Variants in KCNQ1 observed in about 807,000 individuals in gnomAD.
The protein encoded by KCNQ1 is potassium voltage-gated channel subfamily KQT member 1.
A neutral mutation model predicts 72.4 loss-of-function variants in KCNQ1; 49 were observed. The ratio of observed to expected loss-of-function variants is 0.68; its 90% CI spans 0.54 to 0.86. The LOEUF (loss-of-function observed/expected upper bound fraction) is 0.86, where lower values mean the gene tolerates loss of function less well. Among genes scored for constraint, KCNQ1 ranks in the 40% least tolerant of loss-of-function variants. The probability of loss-of-function intolerance (pLI) is 0.00; values close to 1 mark genes in which losing one functional copy is unlikely to be tolerated. For synonymous variants in KCNQ1, 450 were observed against 412.6 expected, an observed-to-expected ratio of 1.09 and a Z score of -1.10; for missense variants, 790 against 945.1, an observed-to-expected ratio of 0.84 and a Z score of 2.15.
At position 2,445,311 on chromosome 11, in the gene KCNQ1, C is replaced by G; in HGVS notation, c.213C>G (p.Ala71=). Residue 71 remains alanine (A), a synonymous_variant, in exon 1 of 16, where the codon GCC becomes GCG. Transcript: ENST00000155840. ...PAPPASPAAP[A]APPVASDLGP... ...CCCCTGCGTCCCCGGCCGCGCCCGC[C>G]GCGCCCCCAGTTGCCTCCGACCTTG... The G allele has an allele frequency of 6.8e-7, 1 of 1,469,128 alleles. No individual in the cohort carries two copies. Among genetic ancestry groups the G allele is most frequent in the Non-Finnish European group, 9.0e-7 (1 of 1,115,644 alleles). The allele number at this position is 1,469,128 out of a possible 1,614,324, so 91.0% of individuals were successfully genotyped here. A position where few individuals can be genotyped will look rare whatever the true frequency, so the allele number is the denominator to read the frequency against.
At chr11:2,545,082 A>G (rs1847886875) in intron 2 of KCNQ1, among the ~76,000 whole-genome samples, 1 of 152,214 alleles carries the variant, frequency 6.6e-6, no homozygotes, top group African/African-American at 2.4e-5. Flanking sequence ...GTCTCTTAAT[A>G]TGATAATTAC....
intron 1 of KCNQ1, among the ~76,000 whole-genome samples, chr11:2,504,418 C>A (rs1328525483): frequency 6.6e-6 from 1 of 151,978 alleles, no homozygotes; most frequent in Non-Finnish European, 1.5e-5. Flanking sequence ...TTTGATAGCA[C>A]AACAGGGTGA....
At chr11:2,738,573 G>A (rs1380056002) in intron 11 of KCNQ1, among the ~76,000 whole-genome samples, 2 of 152,200 alleles carry the variant, frequency 1.3e-5, no homozygotes, top group African/African-American at 4.8e-5. Context: ...CTTGGAGGCT[G>A]GAGGAGGCCA....
Position 2,544,204 on chromosome 11 carries a change from G to A in KCNQ1, c.477+16186G>A, listed in dbSNP as rs1196385620. 6.6e-6 allele frequency among the ~76,000 whole-genome samples: 1 copy of A among 151,266 alleles called. No individual in the cohort carries two copies. The highest frequency in any genetic ancestry group is 1.5e-5 in the Non-Finnish European group (1 of 67,932). On this transcript the variant is annotated intron_variant, in intron 2 of 15. Coordinates refer to ENST00000155840, the MANE Select transcript of KCNQ1 (RefSeq NM_000218.3). This position sits in a 1 kb window ranked among gnomAD's most constrained non-coding sequence, Gnocchi z 4.4. ...TGTCTTAACCAATATTGAATCCTCT[G>A]ATCAATGAGATTATCTATCTCATAT...
rs1205677200 is a variant in KCNQ1, at chr11:2,515,894, G to C, written c.387-12034G>C. ...GGAGAAGCTCATGCCTTTCCTGCTT[G>C]CACCCCAGAGCCTGGCCACCCCTGT... On this transcript the variant is annotated intron_variant, in intron 1 of 15. Transcript: ENST00000155840. The surrounding 1 kb of genome is among the most constrained non-coding windows in gnomAD (Gnocchi z 4.7). 1.3e-5 allele frequency among the ~76,000 whole-genome samples: 2 copies of C among 151,830 alleles called. No homozygotes were observed. Among genetic ancestry groups the C allele is most frequent in the African/African-American group, 4.8e-5 (2 of 41,328 alleles).
In KCNQ1 at chr11:2,617,141, T is replaced by C. The variant is rs1382602812; in HGVS notation, c.1393+28287T>C. 2.5e-6 allele frequency: 1 copy of C among 398,274 alleles called. No homozygotes were observed. The highest frequency in any genetic ancestry group is 4.4e-6 in the Non-Finnish European group (1 of 225,932). 24.7% of individuals were successfully genotyped at this position (398,274 alleles called of 1,614,324 possible). On this transcript the variant is annotated intron_variant, in intron 10 of 15. Coordinates refer to ENST00000155840, the MANE Select transcript of KCNQ1 (RefSeq NM_000218.3). The surrounding 1 kb of genome is among the most constrained non-coding windows in gnomAD (Gnocchi z 4.6). ...AAAATTCCAAATGCAATATACTAAC[T>C]ATTCTCATGTTCTACATGAGATCTC...
chr11:2,800,615 G>A (rs970843479), intron 15 of KCNQ1, among the ~76,000 whole-genome samples: 10 of 152,202 alleles, frequency 6.6e-5, no homozygotes, highest in East Asian at 1.9e-4. Flanking sequence ...AGCTGTGGCC[G>A]TGAAGGTTCC....
At chr11:2,774,924 C>T (rs985891171) in intron 12 of KCNQ1, among the ~76,000 whole-genome samples, 3 of 152,190 alleles carry the variant, frequency 2.0e-5, no homozygotes, top group Admixed American at 6.5e-5. Flanking sequence ...CTTGGGCTGG[C>T]CCTGCCCCAC....
chr11:2,614,978 TG>T (rs1849037930), intron 10 of KCNQ1: 1 of 398,354 alleles, frequency 2.5e-6, no homozygotes, highest in Admixed American at 4.4e-5. Context: ...TGTAGATCAC[TG>T]GGTAATATCG....
At chr11:2,496,723 G>A (rs1449667153) in intron 1 of KCNQ1, among the ~76,000 whole-genome samples, 11 of 151,810 alleles carry the variant, frequency 7.2e-5, no homozygotes, top group African/African-American at 2.4e-4. Flanking sequence ...TGGTCCTGTC[G>A]TCATGATGCT....
At chr11:2,797,379 G>T (rs575182187) in intron 15 of KCNQ1, among the ~76,000 whole-genome samples, 40 of 152,332 alleles carry the variant, frequency 2.6e-4, no homozygotes, top group African/African-American at 8.2e-4. Flanking sequence ...TGTGCCTGAC[G>T]GGGCCAGGAG....
At chr11:2,533,876 G>A (rs772866102) in intron 2 of KCNQ1, among the ~76,000 whole-genome samples, 4 of 152,344 alleles carry the variant, frequency 2.6e-5, no homozygotes, top group Admixed American at 2.0e-4. Context: ...GCTAGTCCGC[G>A]CCTTTGGTGG....
chr11:2,830,667 C>T lies in KCNQ1; in HGVS notation c.1795-17100C>T, dbSNP rs974445287. Among the ~76,000 whole-genome samples, 2 of 152,124 alleles carry T rather than the reference C, an allele frequency of 1.3e-5. No homozygotes were observed. The highest frequency in any genetic ancestry group is 2.9e-5 in the Non-Finnish European group (2 of 67,990). ...CTTCCTGGGTGGAGACCTTCCCACC[C>T]TTCCACTCACCTTCCGAGCATTGTG... is the stretch of plus-strand genomic sequence containing the variant. On this transcript the variant is annotated intron_variant, in intron 15 of 15. Transcript: ENST00000155840. The surrounding 1 kb of genome is among the most constrained non-coding windows in gnomAD (Gnocchi z 7.7).
intron 11 of KCNQ1, chr11:2,696,178 AC>A (rs1850672915): frequency 2.5e-6 from 1 of 398,344 alleles, no homozygotes. Flanking sequence ...CTGTTTAAGA[AC>A]CCCACGGCCA....
At position 2,560,037 on chromosome 11, in the gene KCNQ1, G is replaced by T. The variant is rs185474505; in HGVS notation, c.478-10591G>T. On this transcript the variant is annotated intron_variant, in intron 2 of 15. Transcript: ENST00000155840. ...GGGGAGAGGCAGCGTCCCAAACACG[G>T]GGGAGGGGGTACCGCCAGCCTGGGG... Among the ~76,000 whole-genome samples, 225 of 149,970 alleles carry T rather than the reference G, an allele frequency of 1.5e-3. 2 individuals carry two copies. Among genetic ancestry groups the T allele is most frequent in the Admixed American group, 9.1e-3 (138 of 15,140 alleles).
At chr11:2,812,766 C>T (rs1353137294) in intron 15 of KCNQ1, among the ~76,000 whole-genome samples, 5 of 152,198 alleles carry the variant, frequency 3.3e-5, no homozygotes, top group East Asian at 1.9e-4. Context: ...CGAGGCCCCA[C>T]GCCCCCGGGG....
chr11:2,846,218 C>T (rs1178757385), intron 15 of KCNQ1, among the ~76,000 whole-genome samples: 4 of 152,178 alleles, frequency 2.6e-5, no homozygotes, highest in Non-Finnish European at 4.4e-5. Context: ...GGCCAGCTCC[C>T]GCCTGCTGCC....
chr11:2,743,676 G>A (rs1408603798), intron 11 of KCNQ1, among the ~76,000 whole-genome samples: 2 of 152,218 alleles, frequency 1.3e-5, no homozygotes, highest in African/African-American at 4.8e-5. Flanking sequence ...CAGCTACATA[G>A]GGTCAGATTC....
chr11:2,669,580 A>G lies in KCNQ1; in HGVS notation c.1514+7499A>G, dbSNP rs1376787484. 5 of 398,490 alleles carry G rather than the reference A, an allele frequency of 1.3e-5. No individual in the cohort carries two copies. The highest frequency in any genetic ancestry group is 6.2e-5 in the African/African-American group (3 of 48,616). The allele number at this position is 398,490 out of a possible 1,614,324, so 24.7% of individuals were successfully genotyped here. On this transcript the variant is annotated intron_variant, in intron 11 of 15. Transcript: ENST00000155840. The surrounding 1 kb of genome is among the most constrained non-coding windows in gnomAD (Gnocchi z 5.6). ...AGCCCTGGCCAGCTTGGGTCATTTC[A>G]TCCTGCCCACAGGACACTGGGGCAG...
Sources: gnomAD v4.1 joint callset for allele counts (sites outside exome capture counted in the v4.1 genomes callset) on GRCh38, gnomAD v4.1.1 for gene constraint, Gnocchi (gnomAD v3.1) non-coding constraint, MANE v1.5 for transcripts, NCBI Gene and HGNC (gene_info 2026-07-23, HGNC 2026-07-21) for gene names.